RERE: variants seen among roughly 807,000 people sequenced by gnomAD.
RERE encodes the protein arginine-glutamic acid dipeptide repeats protein.
A neutral mutation model predicts 146.1 loss-of-function variants in RERE; 40 were observed. That is an observed-to-expected ratio of 0.27 (90% CI 0.21 to 0.36). The LOEUF (loss-of-function observed/expected upper bound fraction) is 0.36, where lower values mean the gene tolerates loss of function less well. RERE is among the 10% of genes least tolerant of loss of function. The pLI is 1.00. For synonymous variants in RERE, 1,003 were observed against 866.0 expected (o/e 1.16, Z -2.78); for missense variants, 1,933 against 2,138.7 (o/e 0.90, Z 1.90).
At chr1:8,480,128 G>GTTTTTTTT (rs112068785) in intron 10 of RERE, among the ~76,000 whole-genome samples, 1 of 135,222 alleles carries the variant, frequency 7.4e-6, no homozygotes. Flanking sequence ...GCCTTTTTTT[G>GTTTTTTTT]TTTTTTTTTT....
At chr1:8,528,771 G>C (rs1037640131) in intron 7 of RERE, among the ~76,000 whole-genome samples, 5 of 152,126 alleles carry the variant, frequency 3.3e-5, no homozygotes, top group African/African-American at 1.2e-4. Flanking sequence ...TTTCAGGTAA[G>C]GGACAGATTC....
intron 1 of RERE, among the ~76,000 whole-genome samples, chr1:8,767,293 G>C (rs1022673769): frequency 2.6e-5 from 4 of 152,124 alleles, no homozygotes; most frequent in Admixed American, 6.5e-5. Context: ...TCCAAGGTTT[G>C]ATACATAATT....
intron 9 of RERE, 80 bp downstream of exon 9, chr1:8,497,325 G>A: frequency 6.7e-7 from 1 of 1,487,076 alleles, no homozygotes; most frequent in Non-Finnish European, 9.2e-7. Context: ...TAAAATCTCA[G>A]GGGAAATGCA....
chr1:8,427,632 C>T (rs543429627), intron 11 of RERE, among the ~76,000 whole-genome samples: 161 of 119,314 alleles, frequency 1.3e-3, no homozygotes, highest in Admixed American at 6.7e-3. Context: ...CCCTTGGCCC[C>T]ACTTTAAAAA....
At chr1:8,699,547 T>C (rs1639403307) in intron 1 of RERE, among the ~76,000 whole-genome samples, 1 of 152,252 alleles carries the variant, frequency 6.6e-6, no homozygotes. Flanking sequence ...ATCATTAATA[T>C]GTGGAATTGG....
chr1:8,720,499 AAG>A (rs1639841858), intron 1 of RERE, among the ~76,000 whole-genome samples: 2 of 152,202 alleles, frequency 1.3e-5, no homozygotes, highest in African/African-American at 4.8e-5. Context: ...CTGGAGAGAG[AAG>A]AGAGACAGAC....
At chr1:8,701,304 AC>A (rs1557490420) in intron 1 of RERE, among the ~76,000 whole-genome samples, 4 of 90,670 alleles carry the variant, frequency 4.4e-5, no homozygotes, top group Admixed American at 3.2e-4. Context: ...ACACACACAC[AC>A]ACACACACAC....
chr1:8,371,116 G>C (rs1208743515), intron 12 of RERE, among the ~76,000 whole-genome samples: 1 of 152,216 alleles, frequency 6.6e-6, no homozygotes, highest in Admixed American at 6.5e-5. Flanking sequence ...GAAAGGAAGA[G>C]GGCGAAGTCA....
chr1:8,724,103 C>T, intron 1 of RERE, among the ~76,000 whole-genome samples: 1 of 152,102 alleles, frequency 6.6e-6, no homozygotes, highest in East Asian at 1.9e-4. Context: ...TATTCTATCC[C>T]TAGAAAGTCA....
chr1:8,665,485 T>C (rs1344360361), intron 1 of RERE, among the ~76,000 whole-genome samples: 1 of 152,192 alleles, frequency 6.6e-6, no homozygotes, highest in Non-Finnish European at 1.5e-5. Context: ...ATGATGAGAC[T>C]TGTGTTGGGG....
intron 7 of RERE, among the ~76,000 whole-genome samples, chr1:8,526,974 T>C (rs567010182): frequency 6.6e-6 from 1 of 152,200 alleles, no homozygotes; most frequent in East Asian, 1.9e-4. Context: ...AAGGACAAGA[T>C]AGGGCAGGAA....
At chr1:8,659,852 C>T (rs192625662) in intron 1 of RERE, among the ~76,000 whole-genome samples, 16 of 152,316 alleles carry the variant, frequency 1.1e-4, no homozygotes, top group Admixed American at 8.5e-4. Context: ...ACACTACTCA[C>T]TACAAAATCA....
rs1336513603 is a variant in RERE at position 8,423,593 on chromosome 1, A to G, written c.1204-786T>C. 9.1e-6 allele frequency: 9 copies of G among 984,640 alleles called. No individual in the cohort carries two copies. The highest frequency in any genetic ancestry group is 1.1e-5 in the Non-Finnish European group (9 of 829,730). 61.0% of individuals were successfully genotyped at this position (984,640 alleles called of 1,614,324 possible). On this transcript the variant is annotated intron_variant, in intron 11 of 22. Coordinates refer to ENST00000400908, the MANE Select transcript of RERE (RefSeq NM_001042681.2). This position sits in a 1 kb window ranked among gnomAD's most constrained non-coding sequence, Gnocchi z 5.4. ...CTCCCAGCCTGGTCCCGGGCGGCCG[A>G]CCCCAGCAGCCACAGGTAAGCGCCC...
chr1:8,741,297 A>G (rs1485626161), intron 1 of RERE, among the ~76,000 whole-genome samples: 1 of 152,210 alleles, frequency 6.6e-6, no homozygotes, highest in African/African-American at 2.4e-5. Context: ...TTTCTTCATC[A>G]CTGAATCCCA....
At position 8,794,484 on chromosome 1, in the gene RERE, T is replaced by C. The variant is rs572617047; in HGVS notation, c.-145+22676A>G. ...TGATTGTTGAGGTGGCAGGGAAAAC[T>C]GCTACCTGTTCCCATTCCTAATAGA... On this transcript the variant is annotated intron_variant, in intron 1 of 22. Transcript: ENST00000400908. Among the ~76,000 whole-genome samples the C allele has an allele frequency of 1.1e-4, 17 of 151,828 alleles. No homozygotes were observed. In the East Asian group the frequency reaches 2.9e-3, roughly 26 times the overall value.
intron 4 of RERE, among the ~76,000 whole-genome samples, chr1:8,563,016 C>A (rs1425673152): frequency 6.6e-6 from 1 of 152,056 alleles, no homozygotes; most frequent in Non-Finnish European, 1.5e-5. Flanking sequence ...AGATAACTGA[C>A]AAGCGGTAGA....
At chr1:8,383,724 T>A (rs1367777862) in intron 12 of RERE, among the ~76,000 whole-genome samples, 1 of 152,138 alleles carries the variant, frequency 6.6e-6, no homozygotes, top group East Asian at 1.9e-4. Context: ...CCGGGTGTGG[T>A]GGCACGCACC....
chr1:8,454,041 G>C (rs1419807902), intron 11 of RERE, among the ~76,000 whole-genome samples: 1 of 152,236 alleles, frequency 6.6e-6, no homozygotes, highest in African/African-American at 2.4e-5. Flanking sequence ...AGCTGCTGTT[G>C]AGGGGAGCAC....
chr1:8,559,390 C>T (rs1646051508), intron 4 of RERE, among the ~76,000 whole-genome samples: 1 of 151,460 alleles, frequency 6.6e-6, no homozygotes, highest in East Asian at 1.9e-4. Flanking sequence ...AATACACATG[C>T]CTACAAAAAT....
Sources: allele counts gnomAD v4.1 joint callset (sites outside exome capture counted in the v4.1 genomes callset), GRCh38; gene constraint gnomAD v4.1.1; non-coding constraint Gnocchi (gnomAD v3.1); transcripts MANE v1.5; gene names NCBI Gene and HGNC (gene_info 2026-07-23, HGNC 2026-07-21).